Variants in SCAPER observed in about 807,000 individuals in gnomAD.
SCAPER encodes the protein S-phase cyclin A associated protein in the ER.
SCAPER carries 98 observed loss-of-function variants against 182.2 expected under a neutral mutation model. That is an observed-to-expected ratio of 0.54 (90% CI 0.46 to 0.64). The LOEUF is 0.64. Ranked by LOEUF, SCAPER falls within the 30% of genes least tolerant of loss-of-function variation. The pLI is 0.00. For missense variants in SCAPER, 1,432 were observed against 1,690.0 expected, an observed-to-expected ratio of 0.85 and a Z score of 2.68; for synonymous variants, 605 against 564.6, an observed-to-expected ratio of 1.07 and a Z score of -1.01.
At chr15:76,456,663 T>C (rs1288095835) in intron 25 of SCAPER, among the ~76,000 whole-genome samples, 1 of 152,216 alleles carries the variant, frequency 6.6e-6, no homozygotes, top group Admixed American at 6.5e-5. Flanking sequence ...TTCTTTGGTC[T>C]AGTTATTGTA....
intron 5 of SCAPER, among the ~76,000 whole-genome samples, chr15:76,836,234 G>A (rs1302405230): frequency 1.3e-5 from 2 of 151,930 alleles, no homozygotes; most frequent in Admixed American, 6.6e-5. Flanking sequence ...TAAACCTCAT[G>A]TGGAACCAAA....
chr15:76,667,002 T>C (rs1250715784), intron 20 of SCAPER, among the ~76,000 whole-genome samples: 2 of 152,224 alleles, frequency 1.3e-5, no homozygotes, highest in Non-Finnish European at 2.9e-5. Flanking sequence ...TCTACTTAAA[T>C]CATCTCAAAA....
At chr15:76,837,611 G>C (rs531201548) in intron 5 of SCAPER, among the ~76,000 whole-genome samples, 1 of 152,182 alleles carries the variant, frequency 6.6e-6, no homozygotes, top group Non-Finnish European at 1.5e-5. Flanking sequence ...AATTCAAGAT[G>C]AGATTTGGGT....
intron 14 of SCAPER, among the ~76,000 whole-genome samples, chr15:76,755,166 G>A (rs1462667932): frequency 6.6e-6 from 1 of 152,126 alleles, no homozygotes; most frequent in Non-Finnish European, 1.5e-5. Flanking sequence ...CACAGTAAGA[G>A]AAGAACTGTG....
Position 76,852,014 on chromosome 15 carries a change from T to C in SCAPER, c.195+5795A>G, listed in dbSNP as rs559760135. Among the ~76,000 whole-genome samples the C allele has an allele frequency of 2.6e-5, 4 of 150,996 alleles. No homozygotes were observed. In the East Asian group the frequency reaches 7.8e-4, roughly 29 times the overall value. ...GGGAAATCTACCAAGCAAATGGAAA[T>C]CAGAAAAAAAGGAGTGGTTACAATC... On this transcript the variant is annotated intron_variant, in intron 4 of 31. Coordinates refer to ENST00000563290, the MANE Select transcript of SCAPER (RefSeq NM_020843.4).
At chr15:76,812,916 A>C (rs1316577997) in intron 5 of SCAPER, among the ~76,000 whole-genome samples, 1 of 151,892 alleles carries the variant, frequency 6.6e-6, no homozygotes, top group African/African-American at 2.4e-5. Flanking sequence ...AAAAATAGTA[A>C]AGGGAAGAGT....
intron 21 of SCAPER, among the ~76,000 whole-genome samples, chr15:76,662,648 C>CTA (rs2056285295): frequency 6.6e-6 from 1 of 151,980 alleles, no homozygotes. Flanking sequence ...CAATGGAATG[C>CTA]AATAGAGTCC....
chr15:76,509,628 T>C (rs1200919282), intron 23 of SCAPER, among the ~76,000 whole-genome samples: 1 of 152,164 alleles, frequency 6.6e-6, no homozygotes, highest in African/African-American at 2.4e-5. Flanking sequence ...TTTAAAATAG[T>C]GTGAAAATAA....
At chr15:76,494,467 C>T (rs1163470154) in intron 24 of SCAPER, among the ~76,000 whole-genome samples, 23 of 152,234 alleles carry the variant, frequency 1.5e-4, no homozygotes, top group Non-Finnish European at 1.5e-5. Flanking sequence ...AACACCCAAG[C>T]CAAAAATCCA....
At chr15:76,677,422 G>A (rs2057430989) in intron 20 of SCAPER, among the ~76,000 whole-genome samples, 1 of 151,974 alleles carries the variant, frequency 6.6e-6, no homozygotes, top group Admixed American at 6.6e-5. Flanking sequence ...TGCAACTCAT[G>A]ACTGACTGAC....
At position 76,505,104 on chromosome 15, in the gene SCAPER, A is replaced by C; in HGVS notation, c.2839-130T>G. On this transcript the variant is annotated intron_variant, in intron 23 of 31. Transcript: ENST00000563290. Reference sequence around the variant, plus strand: ...AATATTATTTTATAAATATTTGCTGAATGCTACTCACTGCTAATTGTTTCA... The same window carrying C: ...AATATTATTTTATAAATATTTGCTGCATGCTACTCACTGCTAATTGTTTCA... 4 of 697,842 alleles carry C rather than the reference A, an allele frequency of 5.7e-6. No individual in the cohort carries two copies. In the South Asian group the frequency reaches 7.4e-5, roughly 13 times the overall value. The allele number at this position is 697,842 out of a possible 1,614,324, so 43.2% of individuals were successfully genotyped here.
chr15:76,552,721 T>C (rs926081321), intron 23 of SCAPER, among the ~76,000 whole-genome samples: 5 of 152,160 alleles, frequency 3.3e-5, no homozygotes, highest in Non-Finnish European at 5.9e-5. Flanking sequence ...CAGTGCAGCA[T>C]GGCCAGGGAT....
chr15:76,466,419 CTTT>C, intron 25 of SCAPER, among the ~76,000 whole-genome samples: 166 of 37,422 alleles, frequency 4.4e-3, no homozygotes, highest in Non-Finnish European at 7.9e-3. Flanking sequence ...GTTGGTTCTT[CTTT>C]TTTTTTTTTT....
intron 9 of SCAPER, among the ~76,000 whole-genome samples, chr15:76,774,120 A>G (rs954157042): frequency 7.9e-5 from 12 of 151,982 alleles, no homozygotes; most frequent in African/African-American, 2.9e-4. Context: ...AGGCACAAAG[A>G]CATCACCTTA....
intron 22 of SCAPER, among the ~76,000 whole-genome samples, chr15:76,606,929 T>C (rs932023380): frequency 2.6e-5 from 4 of 152,222 alleles, no homozygotes; most frequent in Non-Finnish European, 5.9e-5. Context: ...TGAGATGGGT[T>C]TCCTGAATAC....
intron 9 of SCAPER, among the ~76,000 whole-genome samples, chr15:76,773,914 C>A (rs768172402): frequency 6.6e-6 from 1 of 151,502 alleles, no homozygotes; most frequent in Non-Finnish European, 1.5e-5. Context: ...AAAATTACAC[C>A]AACGGAACTG....
intron 15 of SCAPER, among the ~76,000 whole-genome samples, chr15:76,737,216 T>A (rs2061320576): frequency 1.3e-5 from 2 of 152,238 alleles, no homozygotes; most frequent in Admixed American, 6.5e-5. Context: ...AATGTATTTT[T>A]TAAAAACTAA....
At chr15:76,897,194 G>A (rs971359616) in intron 1 of SCAPER, among the ~76,000 whole-genome samples, 15 of 152,280 alleles carry the variant, frequency 9.9e-5, no homozygotes, top group South Asian at 8.3e-4. Flanking sequence ...CTTGGTAGCT[G>A]TGCACCACAG....
chr15:76,669,945 T>C (rs2056892984), intron 20 of SCAPER, among the ~76,000 whole-genome samples: 2 of 152,214 alleles, frequency 1.3e-5, no homozygotes, highest in Non-Finnish European at 2.9e-5. Flanking sequence ...AGGAAACTTA[T>C]ACACAAATGC....
Sources: allele counts gnomAD v4.1 joint callset (sites outside exome capture counted in the v4.1 genomes callset), GRCh38; gene constraint gnomAD v4.1.1; transcripts MANE v1.5; gene names NCBI Gene and HGNC (gene_info 2026-07-23, HGNC 2026-07-21).